The following NRXN3 variants were observed in gnomAD, a reference collection of about 807,000 sequenced individuals.
NRXN3 encodes the protein neurexin 3, also known as neurexin III.
Under a neutral mutation model 137.6 loss-of-function variants are expected in NRXN3, and 32 were observed. The observed-to-expected ratio is 0.23, with a 90% CI of 0.18 to 0.31. The LOEUF is 0.31. Ranked by LOEUF, NRXN3 falls within the 10% of genes least tolerant of loss-of-function variation. The pLI is 1.00. For missense variants in NRXN3, 1,574 were observed against 2,062.5 expected, an observed-to-expected ratio of 0.76 and a Z score of 4.59; for synonymous variants, 798 against 784.5, an observed-to-expected ratio of 1.02 and a Z score of -0.29.
At chr14:79,135,442 A>C (rs946859028) in intron 15 of NRXN3, among the ~76,000 whole-genome samples, 1 of 152,180 alleles carries the variant, frequency 6.6e-6, no homozygotes, top group South Asian at 2.1e-4. Flanking sequence ...AAGATGGCCC[A>C]ATATAAACCA....
chr14:78,526,189 A>G (rs893483289), intron 4 of NRXN3, among the ~76,000 whole-genome samples: 6 of 152,200 alleles, frequency 3.9e-5, no homozygotes, highest in Non-Finnish European at 1.5e-5. Flanking sequence ...ATCATATGGG[A>G]TGTCACACTT....
At chr14:79,421,805 A>G (rs1459339666) in intron 15 of NRXN3, among the ~76,000 whole-genome samples, 1 of 152,202 alleles carries the variant, frequency 6.6e-6, no homozygotes, top group Non-Finnish European at 1.5e-5. Flanking sequence ...AAAGCATCAA[A>G]AGAAAAAAAA....
chr14:78,398,297 T>C (rs1048828758), intron 4 of NRXN3, among the ~76,000 whole-genome samples: 3 of 152,116 alleles, frequency 2.0e-5, no homozygotes, highest in Non-Finnish European at 4.4e-5. Context: ...TCTCTTTTTA[T>C]TCATTTTGAG....
At chr14:79,426,718 G>A (rs1446321607) in intron 15 of NRXN3, among the ~76,000 whole-genome samples, 1 of 152,194 alleles carries the variant, frequency 6.6e-6, no homozygotes, top group Non-Finnish European at 1.5e-5. Flanking sequence ...TAGGTGTTGA[G>A]GATGGGAGAA....
intron 15 of NRXN3, among the ~76,000 whole-genome samples, chr14:79,402,382 C>T (rs1277432838): frequency 1.3e-5 from 2 of 152,228 alleles, no homozygotes; most frequent in African/African-American, 4.8e-5. Flanking sequence ...ATCCATCTTT[C>T]TAACTCCTGA....
At chr14:79,606,685 T>C (rs2098022768) in intron 16 of NRXN3, among the ~76,000 whole-genome samples, 1 of 152,216 alleles carries the variant, frequency 6.6e-6, no homozygotes, top group African/African-American at 2.4e-5. Flanking sequence ...TGTGCACAGG[T>C]ACTTATTGAG....
chr14:79,528,973 T>C lies in NRXN3; in HGVS notation c.3444+61571T>C, dbSNP rs573418467. On this transcript the variant is annotated intron_variant, in intron 16 of 20. Coordinates refer to ENST00000335750, the MANE Select transcript of NRXN3 (RefSeq NM_001330195.2). ...TGTCTCGGTCTTCTCTTTAGAAAGC[T>C]GACAATGGGGACATGTATGTTAAGT... Among the ~76,000 whole-genome samples the C allele has an allele frequency of 3.9e-5, 6 of 152,298 alleles. No homozygotes were observed. In the South Asian group the frequency reaches 1.2e-3, roughly 32 times the overall value.
In NRXN3 at chr14:79,624,799, T is replaced by G. The variant is rs991982982; in HGVS notation, c.3445-38979T>G. ...CTCTCTCTTTCTTTCCCGTTTTTTTTTTTGTTTGTTTTTGTTTTTTTTTAA... is the reference window on the plus strand; with the variant it reads ...CTCTCTCTTTCTTTCCCGTTTTTTTGTTTGTTTGTTTTTGTTTTTTTTTAA... On this transcript the variant is annotated intron_variant, in intron 16 of 20. Coordinates refer to ENST00000335750, the MANE Select transcript of NRXN3 (RefSeq NM_001330195.2). Among the ~76,000 whole-genome samples, 56 of 130,254 alleles carry G rather than the reference T, an allele frequency of 4.3e-4. No homozygotes were observed. The East Asian group carries it at 7.0e-3, about 16-fold the overall frequency. 85.5% of individuals were successfully genotyped at this position (130,254 alleles called of 152,430 possible).
chr14:79,068,525 G>A (rs1425118373), intron 15 of NRXN3, among the ~76,000 whole-genome samples: 3 of 151,856 alleles, frequency 2.0e-5, no homozygotes, highest in Non-Finnish European at 4.4e-5. Context: ...TGCTGTTTTG[G>A]GGACAATGGG....
At chr14:78,792,061 G>GA (rs1406979560) in intron 8 of NRXN3, among the ~76,000 whole-genome samples, 1 of 151,144 alleles carries the variant, frequency 6.6e-6, no homozygotes. Context: ...TTAAAAAAAG[G>GA]AAAAAAAGCT....
intron 16 of NRXN3, among the ~76,000 whole-genome samples, chr14:79,501,286 C>T (rs2096823961): frequency 6.6e-6 from 1 of 152,080 alleles, no homozygotes; most frequent in Admixed American, 6.5e-5. Context: ...ATTTCCATTG[C>T]CCCCTCCCTC....
intron 16 of NRXN3, among the ~76,000 whole-genome samples, chr14:79,629,843 G>C (rs1455995654): frequency 8.6e-6 from 1 of 115,834 alleles, no homozygotes; most frequent in Non-Finnish European, 1.7e-5. Flanking sequence ...GTGTGTGTGT[G>C]CGTGTGTGTG....
intron 1 of NRXN3, among the ~76,000 whole-genome samples, chr14:78,227,403 A>G (rs181946625): frequency 1.3e-5 from 2 of 152,200 alleles, no homozygotes; most frequent in East Asian, 3.9e-4. Flanking sequence ...GAGTTACTTT[A>G]TACACATTAG....
intron 16 of NRXN3, among the ~76,000 whole-genome samples, chr14:79,653,842 A>G (rs1334082056): frequency 6.6e-6 from 1 of 152,194 alleles, no homozygotes; most frequent in Non-Finnish European, 1.5e-5. Flanking sequence ...GCAGTAAAGG[A>G]CAGCAGAAGC....
chr14:79,016,066 GC>G (rs1303551280), intron 15 of NRXN3, among the ~76,000 whole-genome samples: 1 of 152,068 alleles, frequency 6.6e-6, no homozygotes, highest in Non-Finnish European at 1.5e-5. Flanking sequence ...CTTGTCCATG[GC>G]CCCTTGTGCC....
chr14:78,989,539 G>T (rs1211683325), intron 15 of NRXN3, among the ~76,000 whole-genome samples: 2 of 152,044 alleles, frequency 1.3e-5, no homozygotes, highest in African/African-American at 4.8e-5. Flanking sequence ...AGAAAGTTTT[G>T]GTATAAGACT....
intron 10 of NRXN3, among the ~76,000 whole-genome samples, chr14:78,954,708 G>T (rs1471493279): frequency 1.3e-5 from 2 of 150,710 alleles, no homozygotes; most frequent in African/African-American, 2.4e-5. Flanking sequence ...CTCGTGATCT[G>T]CCCGCCTCGG....
chr14:78,279,300 C>G (rs2074067652), intron 3 of NRXN3, among the ~76,000 whole-genome samples: 1 of 152,120 alleles, frequency 6.6e-6, no homozygotes, highest in East Asian at 1.9e-4. Flanking sequence ...TGTCTTCATC[C>G]AGAGTCCTGG....
chr14:79,758,825 A>T (rs752148022), intron 19 of NRXN3, among the ~76,000 whole-genome samples: 14 of 152,148 alleles, frequency 9.2e-5, no homozygotes, highest in Non-Finnish European at 1.8e-4. Flanking sequence ...AGCATTATTC[A>T]AAAACCTTTT....
Sources: allele counts gnomAD v4.1 joint callset (sites outside exome capture counted in the v4.1 genomes callset), GRCh38; gene constraint gnomAD v4.1.1; transcripts MANE v1.5; gene names NCBI Gene and HGNC (gene_info 2026-07-23, HGNC 2026-07-21).